RAG1: variants seen among roughly 807,000 people sequenced by gnomAD.
RAG1 encodes recombination activating 1, also known as V(D)J recombination-activating protein 1.
Under a neutral mutation model 62.7 loss-of-function variants are expected in RAG1, and 35 were observed. The observed-to-expected ratio is 0.56, with a 90% confidence interval of 0.43 to 0.74. The LOEUF is 0.74. Ranked by LOEUF, RAG1 falls within the 30% of genes least tolerant of loss-of-function variation. The pLI is 0.00. For missense variants in RAG1, 1,169 were observed against 1,278.6 expected (o/e 0.91, Z 1.31); for synonymous variants, 461 against 470.3 (o/e 0.98, Z 0.26).
At chr11:36,564,576 A>G (rs1341083632), upstream of RAG1, among the ~76,000 whole-genome samples, 3 of 152,186 alleles carry the variant, frequency 2.0e-5, no homozygotes, top group Non-Finnish European at 4.4e-5. Flanking sequence ...TGCTTAGAAA[A>G]CAGTGTAGCT....
upstream of RAG1, among the ~76,000 whole-genome samples, chr11:36,564,860 G>C (rs1014737887): frequency 1.3e-5 from 2 of 152,172 alleles, no homozygotes. Flanking sequence ...TTGCCAGCTT[G>C]AGTTTCTTTA....
At chr11:36,512,269 T>G (rs1402105024) in intron 1 of RAG1, among the ~76,000 whole-genome samples, 1 of 152,210 alleles carries the variant, frequency 6.6e-6, no homozygotes. Context: ...TTCCCCTGTG[T>G]GCAACCAAGG....
intron 3 of RAG1, among the ~76,000 whole-genome samples, chr11:36,549,109 T>C (rs945648568): frequency 3.9e-5 from 6 of 152,140 alleles, no homozygotes; most frequent in African/African-American, 1.4e-4. Context: ...TTACACCTTA[T>C]ACAAAAATTA....
chr11:36,515,713 C>T (rs1289342823), intron 1 of RAG1, among the ~76,000 whole-genome samples: 1 of 152,030 alleles, frequency 6.6e-6, no homozygotes, highest in African/African-American at 2.4e-5. Context: ...AGGGAGGCTC[C>T]CGGGGAGACT....
At chr11:36,548,086 A>G (rs2133271245) in intron 3 of RAG1, among the ~76,000 whole-genome samples, 1 of 152,328 alleles carries the variant, frequency 6.6e-6, no homozygotes, top group Non-Finnish European at 1.5e-5. Context: ...CCTTCATGCT[A>G]AAAACTCTCA....
At chr11:36,518,875 T>G (rs1426656411) in intron 1 of RAG1, among the ~76,000 whole-genome samples, 1 of 152,224 alleles carries the variant, frequency 6.6e-6, no homozygotes. Flanking sequence ...TTTTGTCTTT[T>G]GTTGCCATTG....
chr11:36,569,700 T>C (rs917585951), intron 1 of RAG1, among the ~76,000 whole-genome samples: 1 of 152,310 alleles, frequency 6.6e-6, no homozygotes, highest in South Asian at 2.1e-4. Context: ...GTTACTTGCT[T>C]GTTTTGAATA....
Position 36,574,465 on chromosome 11 carries a change from G to C in RAG1, c.1161G>C (p.Val387=). ...SSHKESKEIF[V]HINKGGRPRQ... ...ACAAGGAATCAAAAGAGATTTTTGT[G>C]CACATTAATAAAGGGGGCCGGCCCC... The change falls in exon 2 of 2, where the codon GTG becomes GTC. Residue 387 remains valine (V), a synonymous_variant. Transcript: ENST00000299440. The C allele has an allele frequency of 6.2e-7, 1 of 1,614,192 alleles. No homozygotes were observed. Among genetic ancestry groups the C allele is most frequent in the Non-Finnish European group, 8.5e-7 (1 of 1,180,038 alleles).
intron 1 of RAG1, among the ~76,000 whole-genome samples, chr11:36,569,950 C>G (rs188757378): frequency 1.3e-5 from 2 of 152,228 alleles, no homozygotes; most frequent in Non-Finnish European, 2.9e-5. Flanking sequence ...GTCACTGATG[C>G]ATACAGAAAT....
In RAG1 at chr11:36,575,296, T is replaced by A. The variant is rs1049841091; in HGVS notation, c.1992T>A (p.Asp664Glu). The A allele has an allele frequency of 3.1e-6, 5 of 1,614,118 alleles. No homozygotes were observed. The Admixed American group carries it at 6.7e-5, about 22-fold the overall frequency. ...CCKPLCLMLA[D>E]ESDHETLTAI... ...AGCCATTGTGCCTTATGCTGGCAGA[T>A]GAGTCTGACCACGAGACGCTGACTG... The change falls in exon 2 of 2, where the codon GAT becomes GAA. Residue 664 changes from aspartate (D) to glutamate (E), a missense_variant. By Grantham distance (45) the Asp-to-Glu change is conservative (BLOSUM62 2). Coordinates refer to ENST00000299440, the MANE Select transcript of RAG1 (RefSeq NM_000448.3). This position sits in a 1 kb window ranked among gnomAD's most constrained non-coding sequence, Gnocchi z 4.1.
chr11:36,519,697 G>A (rs1312551056), intron 1 of RAG1, among the ~76,000 whole-genome samples: 1 of 152,170 alleles, frequency 6.6e-6, no homozygotes, highest in East Asian at 1.9e-4. Context: ...TGACTTCCCA[G>A]AAAGGTATCA....
intron 2 of RAG1, among the ~76,000 whole-genome samples, chr11:36,528,950 G>A (rs1367743261): frequency 1.3e-5 from 2 of 152,130 alleles, no homozygotes; most frequent in African/African-American, 4.8e-5. Flanking sequence ...ACCAGGAGAA[G>A]TCGAATCTCT....
chr11:36,565,421 A>G (rs929270488), upstream of RAG1, among the ~76,000 whole-genome samples: 1 of 152,180 alleles, frequency 6.6e-6, no homozygotes, highest in African/African-American at 2.4e-5. Flanking sequence ...TGCAGGGAGC[A>G]CATTGCCTGG....
In RAG1 at chr11:36,575,572, C is replaced by T; in HGVS notation, c.2268C>T (p.Asn756=). 1 of 1,614,198 alleles carries T rather than the reference C, an allele frequency of 6.2e-7. No individual in the cohort carries two copies. Among genetic ancestry groups the T allele is most frequent in the African/African-American group, 1.3e-5 (1 of 75,046 alleles). Residue 756 remains asparagine (N), a synonymous_variant, in exon 2 of 2, where the codon AAC becomes AAT. Coordinates refer to ENST00000299440, the MANE Select transcript of RAG1 (RefSeq NM_000448.3). The surrounding 1 kb of genome is among the most constrained non-coding windows in gnomAD (Gnocchi z 4.1). The part of the protein sequence containing the change: ...FHSITRSHAE[N]LERYEVWRSN... ...CTATAACCAGAAGCCATGCTGAGAA[C>T]CTGGAACGTTATGAGGTCTGGCGTT...
chr11:36,517,515 G>C (rs1343184941), intron 1 of RAG1, among the ~76,000 whole-genome samples: 1 of 152,094 alleles, frequency 6.6e-6, no homozygotes, highest in African/African-American at 2.4e-5. Context: ...GAAATGGAAG[G>C]TTTGTGTAAG....
upstream of RAG1, among the ~76,000 whole-genome samples, chr11:36,564,886 C>G (rs533172363): frequency 3.9e-5 from 6 of 152,244 alleles, no homozygotes; most frequent in South Asian, 1.2e-3. Flanking sequence ...TAAGATGCAT[C>G]TTGGATGGGT....
At chr11:36,544,088 T>TA (rs1850355280) in intron 3 of RAG1, among the ~76,000 whole-genome samples, 1 of 152,214 alleles carries the variant, frequency 6.6e-6, no homozygotes, top group African/African-American at 2.4e-5. Flanking sequence ...AAACTTCCTT[T>TA]AGCCACTTTT....
chr11:36,519,415 A>G (rs116212578), intron 1 of RAG1, among the ~76,000 whole-genome samples: 1 of 152,380 alleles, frequency 6.6e-6, no homozygotes, highest in African/African-American at 2.4e-5. Context: ...TTTACTTCAA[A>G]CACATCAAGC....
chr11:36,539,046 ATTGTGTACCCCTCACAT>A (rs1860374654), downstream of RAG1, among the ~76,000 whole-genome samples: 2 of 152,124 alleles, frequency 1.3e-5, no homozygotes, highest in South Asian at 4.1e-4. Flanking sequence ...TGTGGATTGA[ATTGTGTACCCCTCACAT>A]TTGTGTACCC....
Sources: allele counts gnomAD v4.1 joint callset (sites outside exome capture counted in the v4.1 genomes callset), GRCh38; gene constraint gnomAD v4.1.1; non-coding constraint Gnocchi (gnomAD v3.1); transcripts MANE v1.5; gene names NCBI Gene and HGNC (gene_info 2026-07-23, HGNC 2026-07-21).